The following ZNF727 variants were observed in gnomAD, a reference collection of about 807,000 sequenced individuals.
ZNF727 encodes the protein zinc finger protein 727.
Under a neutral mutation model 11.5 loss-of-function variants are expected in ZNF727, and 11 were observed. That is an observed-to-expected ratio of 0.95 (90% CI 0.60 to 1.58). The LOEUF is 1.58. ZNF727 is among the 40% of genes most tolerant of loss of function. The pLI is 0.00. For missense variants in ZNF727, 533 were observed against 581.7 expected, an observed-to-expected ratio of 0.92 and a Z score of 0.86; for synonymous variants, 171 against 196.1, an observed-to-expected ratio of 0.87 and a Z score of 1.07.
rs1376414702 is a variant in ZNF727, at chr7:64,082,842, A to C, written c.*4293A>C. On this transcript the variant is annotated 3_prime_UTR_variant, in exon 4 of 4. Transcript: ENST00000456806. ...TGTTGCTGTGAGCGGAGATTGTGCC[A>C]CTGCACTCCAGCCTGGTGAGAGAGC... is the stretch of plus-strand genomic sequence containing the variant. 1.3e-5 allele frequency among the ~76,000 whole-genome samples: 2 copies of C among 151,724 alleles called. No individual in the cohort carries two copies. The highest frequency in any genetic ancestry group is 2.9e-5 in the Non-Finnish European group (2 of 67,984).
intron 1 of ZNF727, among the ~76,000 whole-genome samples, chr7:64,059,040 G>C (rs1322457880): frequency 6.6e-6 from 1 of 151,698 alleles, no homozygotes; most frequent in Admixed American, 6.6e-5. Context: ...CGCCTCCCGG[G>C]TTCAAGTGAT....
chr7:64,070,998 G>GT (rs544738234), intron 3 of ZNF727, among the ~76,000 whole-genome samples: 135 of 151,328 alleles, frequency 8.9e-4, no homozygotes, highest in Admixed American at 2.2e-3. Flanking sequence ...TATATACCAT[G>GT]TTTTTTTTTT....
intron 1 of ZNF727, among the ~76,000 whole-genome samples, chr7:64,057,680 T>C (rs565397483): frequency 1.3e-5 from 2 of 152,084 alleles, no homozygotes; most frequent in Admixed American, 6.5e-5. Flanking sequence ...CTGCCCATCC[T>C]GCATATGTGA....
chr7:64,054,528 GC>G (rs1361672045), intron 1 of ZNF727, among the ~76,000 whole-genome samples: 2 of 152,124 alleles, frequency 1.3e-5, no homozygotes, highest in African/African-American at 2.4e-5. Flanking sequence ...CTGTTATTTT[GC>G]TATGACAAAT....
Position 64,079,270 on chromosome 7 carries a change from C to A in ZNF727, c.*721C>A, listed in dbSNP as rs1246488487. Among the ~76,000 whole-genome samples, 1 of 152,178 alleles carries A rather than the reference C, an allele frequency of 6.6e-6. No homozygotes were observed. Among genetic ancestry groups the A allele is most frequent in the African/African-American group, 2.4e-5 (1 of 41,442 alleles). On this transcript the variant is annotated 3_prime_UTR_variant, in exon 4 of 4. Coordinates refer to ENST00000456806, the MANE Select transcript of ZNF727 (RefSeq NM_001159522.3). ...GTTAAAAATGTGGAAAAGCCTTTAACAATTCGTCATATTGTGTTCAACATC... is the reference window on the plus strand; with the variant it reads ...GTTAAAAATGTGGAAAAGCCTTTAAAAATTCGTCATATTGTGTTCAACATC...
rs1219982260 is a variant in ZNF727, at chr7:64,077,914, T to G, written c.865T>G (p.Cys289Gly). The G allele has an allele frequency of 6.3e-7, 1 of 1,587,142 alleles. No individual in the cohort carries two copies. The highest frequency in any genetic ancestry group is 8.6e-7 in the Non-Finnish European group (1 of 1,166,146). The change falls in exon 4 of 4, where the codon TGT (cysteine) becomes GGT (glycine). Residue 289 changes from cysteine to glycine, a missense_variant. By Grantham distance (159) the Cys-to-Gly change is radical. Coordinates refer to ENST00000456806, the MANE Select transcript of ZNF727 (RefSeq NM_001159522.3). ...AGAGAAACCCTACAAATGTAAAGAATGTCACAAAGCCTTTAGGTGTTGCTC... is the reference window on the plus strand; with the variant it reads ...AGAGAAACCCTACAAATGTAAAGAAGGTCACAAAGCCTTTAGGTGTTGCTC... ...TGEKPYKCKE[C>G]HKAFRCCSDL...
Position 64,078,396 on chromosome 7 carries a change from G to T in ZNF727, c.1347G>T (p.Glu449Asp). Residue 449 changes from glutamate to aspartate, a missense_variant, in exon 4 of 4, where the codon GAG becomes GAT. Coordinates refer to ENST00000456806, the MANE Select transcript of ZNF727 (RefSeq NM_001159522.3). ...LTNHKRIHTG[E>D]KPYKCEECGK... Reference sequence around the variant, plus strand: ...ATCATAAGAGAATTCACACTGGAGAGAAGCCCTACAAATGTGAAGAATGTG... The same window carrying T: ...ATCATAAGAGAATTCACACTGGAGATAAGCCCTACAAATGTGAAGAATGTG... 1 of 1,593,448 alleles carries T rather than the reference G, an allele frequency of 6.3e-7. No individual in the cohort carries two copies.
intron 3 of ZNF727, 38 bp from the exon 4 acceptor site, chr7:64,077,238 A>T: frequency 6.8e-7 from 1 of 1,467,982 alleles, no homozygotes; most frequent in Non-Finnish European, 9.0e-7. Context: ...CCTAAGTCTG[A>T]TGAGGGAGAA....
At chr7:64,050,899 A>C (rs1789588656) in intron 1 of ZNF727, among the ~76,000 whole-genome samples, 1 of 152,034 alleles carries the variant, frequency 6.6e-6, no homozygotes, top group African/African-American at 2.4e-5. Flanking sequence ...TTTAGATTTT[A>C]CCCACGTAAA....
In ZNF727 at chr7:64,069,516, C is replaced by A. The variant is rs762329481; in HGVS notation, c.133C>A (p.Leu45Ile). ...ENYGNLFSLG[L>I]AIFKPDLITY... ...GTTATTTTTTTCTAATAAAACAGGT[C>A]TTGCTATCTTTAAGCCAGACTTGAT... is the stretch of plus-strand genomic sequence containing the variant. Residue 45 changes from leucine (L) to isoleucine (I), a missense_variant and splice_region_variant, in exon 3 of 4, where the codon CTT (leucine) becomes ATT (isoleucine). Transcript: ENST00000456806. 4 of 1,553,114 alleles carry A rather than the reference C, an allele frequency of 2.6e-6. No homozygotes were observed. Among genetic ancestry groups the A allele is most frequent in the Non-Finnish European group, 3.5e-6 (4 of 1,147,288 alleles).
At position 64,048,479 on chromosome 7, in the gene ZNF727, A is replaced by G. The variant is rs569528408; in HGVS notation, c.3+2855A>G. Among the ~76,000 whole-genome samples the G allele has an allele frequency of 3.3e-5, 5 of 152,354 alleles. No homozygotes were observed. The South Asian group carries it at 1.0e-3, about 32-fold the overall frequency. On this transcript the variant is annotated intron_variant, in intron 1 of 3. Transcript: ENST00000456806. ...GTAGATTAACACGTAAATTACAAAC[A>G]TTCATGAAAACATCAGTTTCTGTCT...
In ZNF727 at chr7:64,078,149, C is replaced by G. The variant is rs1283022250; in HGVS notation, c.1100C>G (p.Pro367Arg). 8 of 1,598,082 alleles carry G rather than the reference C, an allele frequency of 5.0e-6. No homozygotes were observed. Among genetic ancestry groups the G allele is most frequent in the African/African-American group, 4.0e-5 (3 of 74,440 alleles). The change falls in exon 4 of 4, where the codon CCT becomes CGT. Residue 367 changes from proline (P) to arginine (R), a missense_variant. Pro to Arg is a moderately radical substitution (Grantham distance 103). Coordinates refer to ENST00000456806, the MANE Select transcript of ZNF727 (RefSeq NM_001159522.3). ...SHKRIHMELR[P>R]YKCEECGKTF... The stretch of plus-strand genomic sequence containing the variant: ...AAGAGAATTCATATGGAATTGAGAC[C>G]TTACAAATGTGAAGAATGTGGCAAA...
intron 1 of ZNF727, among the ~76,000 whole-genome samples, chr7:64,058,021 T>C (rs1199157086): frequency 6.6e-6 from 1 of 152,216 alleles, no homozygotes; most frequent in Non-Finnish European, 1.5e-5. Context: ...TAATAACTTC[T>C]CACAATATGC....
At position 64,069,115 on chromosome 7, in the gene ZNF727, A is replaced by G. The variant is rs1369542256; in HGVS notation, c.130+98A>G. 2.3e-5 allele frequency: 31 copies of G among 1,353,706 alleles called. No homozygotes were observed. In the East Asian group the frequency reaches 7.6e-4, roughly 33 times the overall value. The allele number at this position is 1,353,706 out of a possible 1,614,324, so 83.9% of individuals were successfully genotyped here. ...CTGCTTTGCATAAATGAGTTTCAGA[A>G]TCCTGCTTCAAAAAGAAAAAATTGG... On this transcript the variant is annotated intron_variant, in intron 2 of 3. Coordinates refer to ENST00000456806, the MANE Select transcript of ZNF727 (RefSeq NM_001159522.3).
At position 64,081,639 on chromosome 7, in the gene ZNF727, G is replaced by A. The variant is rs1480133570; in HGVS notation, c.*3090G>A. Among the ~76,000 whole-genome samples the A allele has an allele frequency of 6.6e-6, 1 of 152,142 alleles. No individual in the cohort carries two copies. The highest frequency in any genetic ancestry group is 2.4e-5 in the African/African-American group (1 of 41,424). ...TGGTATGGGCTCCTAGGGTACCTGA[G>A]ACTGCCCTGTAAGCAGTTGTGGCCA... On this transcript the variant is annotated 3_prime_UTR_variant, in exon 4 of 4. Transcript: ENST00000456806.
In ZNF727 at chr7:64,082,795, T is replaced by C. The variant is rs1317518334; in HGVS notation, c.*4246T>C. On this transcript the variant is annotated 3_prime_UTR_variant, in exon 4 of 4. Coordinates refer to ENST00000456806, the MANE Select transcript of ZNF727 (RefSeq NM_001159522.3). ...TAATCGGGAGGCTGAGGCAGGAGAA[T>C]TGCTTGAACCCAGGAGGCAGATGTT... Among the ~76,000 whole-genome samples, 2 of 152,038 alleles carry C rather than the reference T, an allele frequency of 1.3e-5. No homozygotes were observed. The highest frequency in any genetic ancestry group is 1.3e-4 in the Admixed American group (2 of 15,264).
At chr7:64,058,306 G>T (rs755982467) in intron 1 of ZNF727, among the ~76,000 whole-genome samples, 1 of 151,934 alleles carries the variant, frequency 6.6e-6, no homozygotes, top group East Asian at 1.9e-4. Flanking sequence ...TGAGTTATGA[G>T]GTCAGACTCC....
chr7:64,050,947 C>T (rs1230518889), intron 1 of ZNF727, among the ~76,000 whole-genome samples: 4 of 152,098 alleles, frequency 2.6e-5, no homozygotes, highest in Non-Finnish European at 5.9e-5. Context: ...CTAAAATTTA[C>T]ATCAAGAAGA....
intron 3 of ZNF727, among the ~76,000 whole-genome samples, chr7:64,075,513 T>G (rs1790026488): frequency 1.3e-5 from 2 of 151,920 alleles, no homozygotes; most frequent in African/African-American, 4.8e-5. Flanking sequence ...GTGGATTGGA[T>G]AAAGAATATG....
Sources: allele counts gnomAD v4.1 joint callset (sites outside exome capture counted in the v4.1 genomes callset), GRCh38; gene constraint gnomAD v4.1.1; transcripts MANE v1.5; gene names NCBI Gene and HGNC (gene_info 2026-07-23, HGNC 2026-07-21).